Variants in SGK3 observed in about 807,000 individuals in gnomAD.
The protein encoded by SGK3 is serum/glucocorticoid regulated kinase family member 3.
A neutral mutation model predicts 68.5 loss-of-function variants in SGK3; 47 were observed. That is an observed-to-expected ratio of 0.69 (90% CI 0.54 to 0.87). The LOEUF (loss-of-function observed/expected upper bound fraction) is 0.87, where lower values mean the gene tolerates loss of function less well. SGK3 is among the 40% of genes least tolerant of loss of function. The pLI, the probability that SGK3 is intolerant of heterozygous loss-of-function variation, is 0.00. For synonymous variants in SGK3, 181 were observed against 189.1 expected (o/e 0.96, Z 0.35); for missense variants, 479 against 575.5 (o/e 0.83, Z 1.72).
chr8:66,724,432 C>T (rs763471930), intron 1 of SGK3, among the ~76,000 whole-genome samples: 4 of 152,006 alleles, frequency 2.6e-5, no homozygotes, highest in Admixed American at 6.6e-5. Flanking sequence ...AAAAATTAGC[C>T]AGGTGTGGTG....
At chr8:66,753,739 G>A (rs1289132947) in intron 1 of SGK3, among the ~76,000 whole-genome samples, 1 of 152,072 alleles carries the variant, frequency 6.6e-6, no homozygotes, top group South Asian at 2.1e-4. Flanking sequence ...AGAATCACTC[G>A]AACCTGGGAG....
intron 4 of SGK3, among the ~76,000 whole-genome samples, chr8:66,806,160 G>A (rs1272070001): frequency 6.6e-6 from 1 of 151,490 alleles, no homozygotes; most frequent in Non-Finnish European, 1.5e-5. Context: ...TACTTCCCTG[G>A]TTACATACAG....
At chr8:66,849,205 CCT>C (rs1230091818) in intron 15 of SGK3, among the ~76,000 whole-genome samples, 1 of 152,106 alleles carries the variant, frequency 6.6e-6, no homozygotes, top group Non-Finnish European at 1.5e-5. Flanking sequence ...ACTCTTCAGC[CCT>C]CTCTTCTAAA....
intron 10 of SGK3, among the ~76,000 whole-genome samples, chr8:66,836,834 T>C (rs1809555695): frequency 6.8e-6 from 1 of 147,922 alleles, no homozygotes; most frequent in African/African-American, 2.5e-5. Context: ...TGGAGTGCAG[T>C]GGTCACAGCT....
At chr8:66,764,331 G>A (rs1806255291) in intron 1 of SGK3, among the ~76,000 whole-genome samples, 1 of 151,936 alleles carries the variant, frequency 6.6e-6, no homozygotes, top group African/African-American at 2.4e-5. Flanking sequence ...CCCCTTATCA[G>A]TTAGGTCAAT....
intron 1 of SGK3, among the ~76,000 whole-genome samples, chr8:66,720,051 G>T (rs911023665): frequency 2.0e-5 from 3 of 152,108 alleles, no homozygotes; most frequent in African/African-American, 4.8e-5. Context: ...CTGTTTCCTG[G>T]CCACCTGCCA....
intron 10 of SGK3, among the ~76,000 whole-genome samples, chr8:66,838,691 G>GA (rs940772047): frequency 1.3e-5 from 2 of 152,016 alleles, no homozygotes; most frequent in Non-Finnish European, 2.9e-5. Flanking sequence ...GCAAGATAAT[G>GA]AAAAAAGGAG....
chr8:66,716,950 C>G (rs2130317842), intron 1 of SGK3, among the ~76,000 whole-genome samples: 1 of 152,038 alleles, frequency 6.6e-6, no homozygotes, highest in East Asian at 1.9e-4. Flanking sequence ...AATCCCAGCA[C>G]TTTGGGAGGC....
chr8:66,787,499 T>C (rs1353847474), intron 1 of SGK3, among the ~76,000 whole-genome samples: 1 of 152,144 alleles, frequency 6.6e-6, no homozygotes, highest in African/African-American at 2.4e-5. Flanking sequence ...TGGGCCTTAG[T>C]GTTGGTCTTT....
chr8:66,757,447 C>A (rs1806012562), intron 1 of SGK3, among the ~76,000 whole-genome samples: 1 of 151,794 alleles, frequency 6.6e-6, no homozygotes, highest in Non-Finnish European at 1.5e-5. Context: ...CCCTCAGTCC[C>A]CATTTGTCTT....
In SGK3 at chr8:66,813,908, G is replaced by A. The variant is rs1441487644; in HGVS notation, c.309G>A (p.Arg103=). The part of the protein sequence containing the change: ...GLNEFIQNLV[R]YPELYNHPDV... ...ACGAATTCATTCAGAACCTAGTTAG[G>A]TATCCAGAACTTTATAACCAGTAAG... Residue 103 remains arginine, a synonymous_variant, in exon 5 of 17, where the codon AGG becomes AGA. Transcript: ENST00000521198. 2.5e-6 allele frequency: 4 copies of A among 1,593,908 alleles called. No homozygotes were observed. Among genetic ancestry groups the A allele is most frequent in the Non-Finnish European group, 3.4e-6 (4 of 1,171,230 alleles).
intron 1 of SGK3, among the ~76,000 whole-genome samples, chr8:66,717,160 G>A (rs1180173911): frequency 6.8e-6 from 1 of 146,498 alleles, no homozygotes. Context: ...AGCCAAGATC[G>A]TGCCATTGCA....
At position 66,785,696 on chromosome 8, in the gene SGK3, G is replaced by A. The variant is rs576361881; in HGVS notation, c.-121-7920G>A. ...GTTATATTACCCTTGCAGATTCACC[G>A]TTCCTCCTAAGATTTGGCTGGCCTT... is the stretch of plus-strand genomic sequence containing the variant. On this transcript the variant is annotated intron_variant, in intron 1 of 16. Transcript: ENST00000521198. 1.1e-4 allele frequency among the ~76,000 whole-genome samples: 16 copies of A among 152,238 alleles called. No individual in the cohort carries two copies. The South Asian group carries it at 1.2e-3, about 12-fold the overall frequency.
intron 4 of SGK3, among the ~76,000 whole-genome samples, chr8:66,813,019 C>T (rs1020139317): frequency 2.6e-5 from 4 of 152,102 alleles, no homozygotes; most frequent in African/African-American, 9.7e-5. Context: ...TTTGGGAGGC[C>T]GAGGAGGGTG....
chr8:66,831,373 G>T (rs1023873303), intron 8 of SGK3, 62 bp downstream of exon 8: 2 of 1,585,940 alleles, frequency 1.3e-6, no homozygotes, highest in African/African-American at 1.4e-5. Context: ...TGGAGACAGG[G>T]TCTCACTCTG....
chr8:66,793,084 T>G (rs938837893), intron 1 of SGK3, among the ~76,000 whole-genome samples: 1 of 152,186 alleles, frequency 6.6e-6, no homozygotes, highest in Non-Finnish European at 1.5e-5. Context: ...GACCAGAGGT[T>G]CAGTACAAAA....
rs1438429418 is a variant in SGK3 at position 66,860,312 on chromosome 8, G to A, written c.*731G>A. 6.6e-6 allele frequency: 1 copy of A among 152,240 alleles called. No homozygotes were observed. Among genetic ancestry groups the A allele is most frequent in the African/African-American group, 2.4e-5 (1 of 41,418 alleles). 9.4% of individuals were successfully genotyped at this position (152,240 alleles called of 1,614,324 possible). Reference sequence around the variant, plus strand: ...TCTACTAAAAATACAAAATTGGCAGGGTGTGGTGGCACATGCCTATAATCC... The same window carrying A: ...TCTACTAAAAATACAAAATTGGCAGAGTGTGGTGGCACATGCCTATAATCC... On this transcript the variant is annotated 3_prime_UTR_variant, in exon 17 of 17. Transcript: ENST00000521198.
At chr8:66,765,763 C>G (rs1260288204) in intron 1 of SGK3, among the ~76,000 whole-genome samples, 1 of 152,074 alleles carries the variant, frequency 6.6e-6, no homozygotes, top group Non-Finnish European at 1.5e-5. Context: ...GTGGCTCACG[C>G]CTGTAATCCT....
intron 1 of SGK3, among the ~76,000 whole-genome samples, chr8:66,729,501 C>A (rs1201982713): frequency 6.6e-6 from 1 of 151,864 alleles, no homozygotes; most frequent in Non-Finnish European, 1.5e-5. Flanking sequence ...TATGAATATA[C>A]CATATTTTGC....
Sources: gnomAD v4.1 joint callset for allele counts (sites outside exome capture counted in the v4.1 genomes callset) on GRCh38, gnomAD v4.1.1 for gene constraint, MANE v1.5 for transcripts, NCBI Gene and HGNC (gene_info 2026-07-23, HGNC 2026-07-21) for gene names.